The following HNRNPLL variants were observed in gnomAD, a reference collection of about 807,000 sequenced individuals.
The protein encoded by HNRNPLL is heterogeneous nuclear ribonucleoprotein L like, also known as heterogeneous nuclear ribonucleoprotein L-like.
HNRNPLL carries 25 observed loss-of-function variants against 67.1 expected under a neutral mutation model. The observed-to-expected ratio is 0.37, with a 90% confidence interval of 0.27 to 0.52. The LOEUF (loss-of-function observed/expected upper bound fraction) is 0.52, where lower values mean the gene tolerates loss of function less well. HNRNPLL is among the 20% of genes least tolerant of loss of function. HNRNPLL has a pLI of 0.90. For missense variants in HNRNPLL, 542 were observed against 673.9 expected, an observed-to-expected ratio of 0.80 and a Z score of 2.17; for synonymous variants, 267 against 241.7, an observed-to-expected ratio of 1.10 and a Z score of -0.97.
chr2:38,576,602 G>A (rs1666309570), intron 7 of HNRNPLL, among the ~76,000 whole-genome samples: 1 of 151,410 alleles, frequency 6.6e-6, no homozygotes, highest in Non-Finnish European at 1.5e-5. Context: ...ACACTAGAAA[G>A]TAAGCTAAAA....
At chr2:38,578,704 T>C (rs1666401839) in intron 6 of HNRNPLL, among the ~76,000 whole-genome samples, 1 of 152,100 alleles carries the variant, frequency 6.6e-6, no homozygotes, top group Non-Finnish European at 1.5e-5. Context: ...ATTTAGCTTC[T>C]GCTTACCCAA....
chr2:38,582,782 T>C (rs895766339), intron 4 of HNRNPLL, among the ~76,000 whole-genome samples: 5 of 151,052 alleles, frequency 3.3e-5, no homozygotes, highest in South Asian at 2.1e-4. Flanking sequence ...TAGCTGGGTG[T>C]GGTGGCAGGT....
At chr2:38,595,817 C>A (rs964326635) in intron 1 of HNRNPLL, among the ~76,000 whole-genome samples, 2 of 152,062 alleles carry the variant, frequency 1.3e-5, no homozygotes, top group Non-Finnish European at 2.9e-5. Context: ...GCACTCCAGC[C>A]TGGGCGACAG....
intron 9 of HNRNPLL, 69 bp from the exon 10 acceptor site, chr2:38,569,403 T>G (rs940755537): frequency 5.4e-6 from 6 of 1,101,460 alleles, no homozygotes; most frequent in Non-Finnish European, 8.1e-6. Flanking sequence ...AGTCTCAGAA[T>G]GCTAATATAT....
chr2:38,601,094 C>A (rs1199888569), intron 1 of HNRNPLL, among the ~76,000 whole-genome samples: 1 of 152,068 alleles, frequency 6.6e-6, no homozygotes, highest in Admixed American at 6.6e-5. Context: ...TGGCTTTGAA[C>A]TGAAACTTCC....
intron 12 of HNRNPLL, chr2:38,567,969 C>G (rs150260616): frequency 2.9e-4 from 110 of 382,364 alleles, no homozygotes; most frequent in African/African-American, 2.2e-3. Flanking sequence ...AAATACTAAC[C>G]CTCAGAAACA....
chr2:38,566,653 C>G (rs899020287), intron 12 of HNRNPLL, among the ~76,000 whole-genome samples: 12 of 151,476 alleles, frequency 7.9e-5, no homozygotes, highest in Non-Finnish European at 1.8e-4. Context: ...TCATGCCCTA[C>G]ACTACTGAAA....
intron 6 of HNRNPLL, among the ~76,000 whole-genome samples, chr2:38,579,263 T>C (rs1452288995): frequency 1.3e-5 from 2 of 152,012 alleles, no homozygotes; most frequent in African/African-American, 2.4e-5. Flanking sequence ...TAGATTATCT[T>C]CCAAGCTATC....
intron 6 of HNRNPLL, chr2:38,577,835 C>T (rs1020780292): frequency 4.2e-5 from 19 of 455,046 alleles, no homozygotes; most frequent in Non-Finnish European, 8.3e-5. Flanking sequence ...GTACACAATG[C>T]TAGAAGTTTG....
chr2:38,577,934 T>A (rs534285179), intron 6 of HNRNPLL: 1 of 472,122 alleles, frequency 2.1e-6, no homozygotes, highest in African/African-American at 2.0e-5. Flanking sequence ...ATCATACTAT[T>A]AGCTTCAACA....
chr2:38,598,622 T>C (rs972990810), intron 1 of HNRNPLL, among the ~76,000 whole-genome samples: 6 of 152,216 alleles, frequency 3.9e-5, no homozygotes, highest in African/African-American at 7.2e-5. Flanking sequence ...ACCTGACATA[T>C]GGTAGAAGCT....
chr2:38,586,217 T>G (rs1422755918), intron 2 of HNRNPLL, among the ~76,000 whole-genome samples: 3 of 152,136 alleles, frequency 2.0e-5, no homozygotes, highest in African/African-American at 7.2e-5. Flanking sequence ...GAGACAGGGT[T>G]TCCCCGTGTT....
chr2:38,564,255 C>G lies in HNRNPLL; in HGVS notation c.1574-18G>C. ...GGAACCATCTGTAAAAAGTAAAAAA[C>G]AGTTAATATTTCACTTCATCAAACT... On this transcript the variant is annotated intron_variant, in intron 12 of 12. Coordinates refer to ENST00000449105, the MANE Select transcript of HNRNPLL (RefSeq NM_138394.4). 7.0e-7 allele frequency: 1 copy of G among 1,419,282 alleles called. No homozygotes were observed. The highest frequency in any genetic ancestry group is 1.4e-5 in the African/African-American group (1 of 70,878). The allele number at this position is 1,419,282 out of a possible 1,614,324, so 87.9% of individuals were successfully genotyped here.
intron 10 of HNRNPLL, 51 bp downstream of exon 10, chr2:38,569,082 T>A: frequency 7.6e-7 from 1 of 1,311,280 alleles, no homozygotes; most frequent in Non-Finnish European, 1.1e-6. Flanking sequence ...AAAACAGATT[T>A]TAAAATAGGA....
chr2:38,602,794 C>A lies in HNRNPLL; in HGVS notation c.-168G>T, dbSNP rs1027869043. 1 of 1,537,402 alleles carries A rather than the reference C, an allele frequency of 6.5e-7. No individual in the cohort carries two copies. The highest frequency in any genetic ancestry group is 2.0e-5 in the Admixed American group (1 of 50,000). ...GGCCAGGAGACTGGCGGCTGAGAAG[C>A]GCGGACGGACTGAGGGGGGCGCCCC... On this transcript the variant is annotated 5_prime_UTR_variant, in exon 1 of 13. Coordinates refer to ENST00000449105, the MANE Select transcript of HNRNPLL (RefSeq NM_138394.4).
At chr2:38,599,612 G>A (rs892285282) in intron 1 of HNRNPLL, among the ~76,000 whole-genome samples, 2 of 151,684 alleles carry the variant, frequency 1.3e-5, no homozygotes, top group African/African-American at 2.4e-5. Flanking sequence ...AAATTTGAAG[G>A]GTGTTTTATT....
chr2:38,596,901 T>C (rs1034266056), intron 1 of HNRNPLL, among the ~76,000 whole-genome samples: 14 of 152,322 alleles, frequency 9.2e-5, no homozygotes, highest in Admixed American at 4.6e-4. Flanking sequence ...TTTAGGTTAA[T>C]TGGGTTAACT....
chr2:38,591,984 C>CA (rs968348459), intron 1 of HNRNPLL, among the ~76,000 whole-genome samples: 3 of 151,552 alleles, frequency 2.0e-5, no homozygotes, highest in East Asian at 1.9e-4. Context: ...TCAAAAAAAA[C>CA]AAAAAAAATT....
Position 38,591,523 on chromosome 2 carries a change from T to A in HNRNPLL, c.308+7A>T. 2 of 1,441,362 alleles carry A rather than the reference T, an allele frequency of 1.4e-6. No individual in the cohort carries two copies. The highest frequency in any genetic ancestry group is 2.0e-6 in the Non-Finnish European group (2 of 1,022,318). The allele number at this position is 1,441,362 out of a possible 1,614,324, so 89.3% of individuals were successfully genotyped here. A position where few individuals can be genotyped will look rare whatever the true frequency, so the allele number is the denominator to read the frequency against. On this transcript the variant is annotated splice_region_variant and intron_variant, in intron 2 of 12. Coordinates refer to ENST00000449105, the MANE Select transcript of HNRNPLL (RefSeq NM_138394.4). ...TTCAATCTACATGAAGTCCCTATCA[T>A]CCTTACCATATTGTCCCAAATTTTT...
Sources: gnomAD v4.1 joint callset for allele counts (sites outside exome capture counted in the v4.1 genomes callset) on GRCh38, gnomAD v4.1.1 for gene constraint, MANE v1.5 for transcripts, NCBI Gene and HGNC (gene_info 2026-07-23, HGNC 2026-07-21) for gene names.